Variants in PCSK5 observed in about 807,000 individuals in gnomAD.
PCSK5 encodes the protein prohormone convertase 5.
In PCSK5, 129 loss-of-function variants were observed where a neutral mutation model predicts 233.2. The observed-to-expected ratio is 0.55, with a 90% CI of 0.48 to 0.64. The LOEUF is 0.64. Among genes scored for constraint, PCSK5 ranks in the 30% least tolerant of loss-of-function variants. PCSK5 has a pLI of 0.00. For missense variants in PCSK5, 2,076 were observed against 2,430.1 expected (o/e 0.85, Z 3.06); for synonymous variants, 825 against 879.2 (o/e 0.94, Z 1.09).
At chr9:75,926,560 A>G (rs906373260) in intron 1 of PCSK5, among the ~76,000 whole-genome samples, 3 of 152,188 alleles carry the variant, frequency 2.0e-5, no homozygotes, top group Non-Finnish European at 4.4e-5. Flanking sequence ...CAAAATGCAA[A>G]ACATTCTCAG....
chr9:76,189,992 A>ACTT (rs755414294), intron 20 of PCSK5, among the ~76,000 whole-genome samples: 8 of 152,164 alleles, frequency 5.3e-5, no homozygotes, highest in Non-Finnish European at 1.0e-4. Flanking sequence ...TAATTAATAA[A>ACTT]CTTTATTTTT....
intron 9 of PCSK5, 55 bp from the exon 10 acceptor site, chr9:76,134,054 C>A: frequency 8.9e-7 from 1 of 1,118,538 alleles, no homozygotes; most frequent in Non-Finnish European, 1.3e-6. Context: ...TGACTCTCTG[C>A]TTCCCCCATC....
intron 1 of PCSK5, among the ~76,000 whole-genome samples, chr9:75,896,262 A>G (rs1272029404): frequency 6.6e-6 from 1 of 152,136 alleles, no homozygotes; most frequent in Non-Finnish European, 1.5e-5. Context: ...CTCATAGATA[A>G]GGAATGGTTT....
At chr9:76,015,151 A>G (rs1028243528) in intron 3 of PCSK5, among the ~76,000 whole-genome samples, 1 of 152,246 alleles carries the variant, frequency 6.6e-6, no homozygotes, top group Non-Finnish European at 1.5e-5. Flanking sequence ...ATCTGAAGAC[A>G]GGAGAAACAG....
In PCSK5 at chr9:76,046,160, G is replaced by GTTTTTTT. The variant is rs71372041; in HGVS notation, c.632+19152_632+19158dup. Reference sequence around the variant, plus strand: ...GCATTAACACATAATTTTTTCTTTTGTTTTTTTTTTTTTTTTTTTTTTTTT... The same window carrying GTTTTTTT: ...GCATTAACACATAATTTTTTCTTTTGTTTTTTTTTTTTTTTTTTTTTTTTTTTTTTTT... On this transcript the variant is annotated intron_variant, in intron 5 of 37. Transcript: ENST00000674117. Among the ~76,000 whole-genome samples the GTTTTTTT allele has an allele frequency of 4.8e-3, 277 of 58,024 alleles. 45 individuals are homozygous for GTTTTTTT. The highest frequency in any genetic ancestry group is 7.6e-3 in the East Asian group (15 of 1,974). The allele number at this position is 58,024 out of a possible 152,430, so 38.1% of individuals were successfully genotyped here. A position where few individuals can be genotyped will look rare whatever the true frequency, so the allele number is the denominator to read the frequency against.
chr9:76,087,031 C>T (rs1355003501), intron 7 of PCSK5, among the ~76,000 whole-genome samples: 3 of 152,160 alleles, frequency 2.0e-5, no homozygotes, highest in Non-Finnish European at 4.4e-5. Context: ...ACTATTCTTT[C>T]TCCATGTAAG....
intron 6 of PCSK5, 77 bp downstream of exon 6, chr9:76,068,120 T>A: frequency 1.0e-6 from 1 of 990,102 alleles, no homozygotes; most frequent in Non-Finnish European, 1.6e-6. Flanking sequence ...GAATCCTTTT[T>A]AAATGGAGGT....
chr9:76,076,492 C>T (rs1403026356), intron 7 of PCSK5, among the ~76,000 whole-genome samples: 1 of 152,148 alleles, frequency 6.6e-6, no homozygotes, highest in Admixed American at 6.5e-5. Flanking sequence ...AGGGTGGCAG[C>T]AGCATCAAGA....
intron 7 of PCSK5, among the ~76,000 whole-genome samples, chr9:76,084,818 A>G (rs1271935274): frequency 6.6e-6 from 1 of 152,180 alleles, no homozygotes; most frequent in Non-Finnish European, 1.5e-5. Flanking sequence ...ACAAGGGCCC[A>G]TGGAACTCAG....
intron 24 of PCSK5, among the ~76,000 whole-genome samples, chr9:76,245,713 A>G (rs1826570871): frequency 6.6e-6 from 1 of 152,232 alleles, no homozygotes; most frequent in Non-Finnish European, 1.5e-5. Context: ...TAATGAGGTT[A>G]AAAGTATTCT....
chr9:76,003,220 T>G (rs1037157413), intron 3 of PCSK5, among the ~76,000 whole-genome samples: 1 of 152,116 alleles, frequency 6.6e-6, no homozygotes, highest in Non-Finnish European at 1.5e-5. Context: ...TAAAGGCAGC[T>G]CTTGATGAAA....
chr9:76,022,246 C>A (rs960919012), intron 3 of PCSK5, among the ~76,000 whole-genome samples: 4 of 152,160 alleles, frequency 2.6e-5, no homozygotes, highest in Non-Finnish European at 5.9e-5. Context: ...AGGACAGGGA[C>A]CTCATCTGCC....
intron 24 of PCSK5, among the ~76,000 whole-genome samples, chr9:76,257,679 G>A (rs1827028648): frequency 6.6e-6 from 1 of 152,150 alleles, no homozygotes; most frequent in Non-Finnish European, 1.5e-5. Context: ...GCTGGAGAAG[G>A]ACCAGTTCCA....
At chr9:76,259,239 C>T (rs1443758108) in intron 24 of PCSK5, among the ~76,000 whole-genome samples, 1 of 152,108 alleles carries the variant, frequency 6.6e-6, no homozygotes, top group Non-Finnish European at 1.5e-5. Context: ...TTGTTCCTCA[C>T]CTCCCTCTCC....
chr9:76,052,995 C>T (rs1225957295), intron 5 of PCSK5, among the ~76,000 whole-genome samples: 1 of 152,242 alleles, frequency 6.6e-6, no homozygotes, highest in Non-Finnish European at 1.5e-5. Context: ...CCATGTCTCA[C>T]ATCTAGGTCA....
At chr9:76,040,385 G>GTCTCTCTGTCTCTCTGTCTCTCTC (rs1563988638) in intron 5 of PCSK5, among the ~76,000 whole-genome samples, 2 of 80,622 alleles carry the variant, frequency 2.5e-5, no homozygotes, top group African/African-American at 8.6e-5. Context: ...CTCTCTCTCT[G>GTCTCTCTGTCTCTCTGTCTCTCTC]TCTCTCTCTC....
intron 35 of PCSK5, among the ~76,000 whole-genome samples, chr9:76,344,578 G>T (rs1011312894): frequency 6.6e-6 from 1 of 152,196 alleles, no homozygotes; most frequent in Non-Finnish European, 1.5e-5. Context: ...CACTGAATTG[G>T]GGGTGGGATG....
intron 2 of PCSK5, among the ~76,000 whole-genome samples, chr9:75,961,243 T>A (rs897897599): frequency 3.3e-5 from 5 of 152,176 alleles, no homozygotes; most frequent in African/African-American, 1.2e-4. Context: ...CATCTCTACA[T>A]GAAAGTGATA....
intron 3 of PCSK5, among the ~76,000 whole-genome samples, chr9:75,994,456 A>T (rs1211092964): frequency 2.7e-5 from 3 of 111,826 alleles, no homozygotes; most frequent in East Asian, 5.3e-4. Flanking sequence ...ATGGAGTCTC[A>T]CTCTGTCGCC....
Sources: allele counts gnomAD v4.1 joint callset (sites outside exome capture counted in the v4.1 genomes callset), GRCh38; gene constraint gnomAD v4.1.1; transcripts MANE v1.5; gene names NCBI Gene and HGNC (gene_info 2026-07-23, HGNC 2026-07-21).